Variants in SARM1 observed in about 807,000 individuals in gnomAD.
The protein encoded by SARM1 is sterile alpha and TIR motif containing 1.
In SARM1, 60 loss-of-function variants were observed where a neutral mutation model predicts 65.1. The observed-to-expected ratio is 0.92, with a 90% CI of 0.75 to 1.14. SARM1 has a LOEUF of 1.14. Ranked by LOEUF, SARM1 falls within the 50% of genes most tolerant of loss-of-function variation. SARM1 has a pLI of 0.00. For missense variants in SARM1, 913 were observed against 1,015.7 expected (o/e 0.90, Z 1.37); for synonymous variants, 417 against 465.4 (o/e 0.90, Z 1.34).
chr17:28,400,110 A>T lies in SARM1; in HGVS notation c.*3824A>T, dbSNP rs989140679. 2 of 239,202 alleles carry T rather than the reference A, an allele frequency of 8.4e-6. No homozygotes were observed. The highest frequency in any genetic ancestry group is 1.7e-5 in the Non-Finnish European group (2 of 121,068). 14.8% of individuals were successfully genotyped at this position (239,202 alleles called of 1,614,324 possible). ...AGGTCTTGCTATGTTGCCCAGGCTG[A>T]TCTTGAATTCCCGGGCTCAAGTGGT... On this transcript the variant is annotated 3_prime_UTR_variant, in exon 9 of 9. Transcript: ENST00000585482.
At chr17:28,376,898 T>A (rs1270121028) in intron 1 of SARM1, among the ~76,000 whole-genome samples, 1 of 152,128 alleles carries the variant, frequency 6.6e-6, no homozygotes, top group East Asian at 1.9e-4. Context: ...CAAGTGATTC[T>A]CATGCCTCAG....
rs2068047938 is a variant in SARM1 at position 28,385,796 on chromosome 17, G to A, written c.1630+521G>A. Among the ~76,000 whole-genome samples, 1 of 152,082 alleles carries A rather than the reference G, an allele frequency of 6.6e-6. No individual in the cohort carries two copies. The highest frequency in any genetic ancestry group is 1.5e-5 in the Non-Finnish European group (1 of 68,014). On this transcript the variant is annotated intron_variant, in intron 5 of 8. Transcript: ENST00000585482. The surrounding 1 kb of genome is among the most constrained non-coding windows in gnomAD (Gnocchi z 4.5). The stretch of plus-strand genomic sequence containing the variant: ...TAGAGGTGGTTTAGAGTGAATTCTA[G>A]GCCTCTAGCCACCCTCCTTATTTAC...
intron 1 of SARM1, chr17:28,373,117 C>G (rs2067967981): frequency 1.3e-5 from 2 of 152,566 alleles, no homozygotes; most frequent in African/African-American, 4.8e-5. Context: ...AAACAGTTTT[C>G]TGCTGGGAGG....
rs782463830 is a variant in SARM1, at chr17:28,385,265, G to A, written c.1620G>A (p.Thr540=). 3.9e-6 allele frequency: 6 copies of A among 1,551,112 alleles called. No individual in the cohort carries two copies. Among genetic ancestry groups the A allele is most frequent in the South Asian group, 3.5e-5 (3 of 85,262 alleles). ...HLGVHRARIL[T]AAREMLHSPL... Reference sequence around the variant, plus strand: ...GCGTGCACCGCGCCCGCATCCTCACGGCGGCCAGAGGTCAGCCCGCTCACC... The same window carrying A: ...GCGTGCACCGCGCCCGCATCCTCACAGCGGCCAGAGGTCAGCCCGCTCACC... The change falls in exon 5 of 9, where the codon ACG becomes ACA. Residue 540 remains threonine, a synonymous_variant. Transcript: ENST00000585482. The surrounding 1 kb of genome is among the most constrained non-coding windows in gnomAD (Gnocchi z 4.5).
chr17:28,388,248 C>T lies in SARM1; in HGVS notation c.1705C>T (p.Arg569Cys), dbSNP rs571724138. 9.3e-5 allele frequency: 144 copies of T among 1,552,706 alleles called. No individual in the cohort carries two copies. The highest frequency in any genetic ancestry group is 3.6e-4 in the South Asian group (30 of 84,304). The change falls in exon 6 of 9, where the codon CGC becomes TGC. Residue 569 changes from arginine to cysteine, a missense_variant. By Grantham distance (180) the Arg-to-Cys change is radical. Coordinates refer to ENST00000585482, the MANE Select transcript of SARM1 (RefSeq NM_015077.4). ...CACTCCAGATGTCTTCATCAGCTAC[C>T]GCCGGAACTCAGGTTCCCAGCTGGC... ...GDTPDVFISY[R>C]RNSGSQLASL... is the part of the protein sequence containing the mutation.
Position 28,385,515 on chromosome 17 carries a change from C to T in SARM1, c.1630+240C>T, listed in dbSNP as rs1477333739. ...AGGCTATTAAACAGGCAAGCGGCCC[C>T]GGCAGGAAGCTACCCAGGTCTCCAG... On this transcript the variant is annotated intron_variant, in intron 5 of 8. Coordinates refer to ENST00000585482, the MANE Select transcript of SARM1 (RefSeq NM_015077.4). The surrounding 1 kb of genome is among the most constrained non-coding windows in gnomAD (Gnocchi z 4.5). The T allele has an allele frequency of 3.7e-5, 20 of 538,944 alleles. No individual in the cohort carries two copies. Among genetic ancestry groups the T allele is most frequent in the African/African-American group, 2.9e-4 (15 of 50,916 alleles). 33.4% of individuals were successfully genotyped at this position (538,944 alleles called of 1,614,324 possible). A position where few individuals can be genotyped will look rare whatever the true frequency, so the allele number is the denominator to read the frequency against.
At position 28,381,490 on chromosome 17, in the gene SARM1, G is replaced by A; in HGVS notation, c.758G>A (p.Trp253Ter). ...ATGGTAGAGAAGCGCGCAGCCGAGT[G>A]GCTCTTCCCGCTCGCCTTCTCCAAG... The part of the protein sequence containing the change: ...RRMVEKRAAE[W>*]LFPLAFSKED... Residue 253 changes from tryptophan (W) to a stop codon, truncating the protein, a stop_gained, in exon 2 of 9, where the codon TGG (tryptophan) becomes TAG (stop). Coordinates refer to ENST00000585482, the MANE Select transcript of SARM1 (RefSeq NM_015077.4). LOFTEE classifies it high-confidence loss of function. 6.4e-7 allele frequency: 1 copy of A among 1,555,632 alleles called. No homozygotes were observed. The highest frequency in any genetic ancestry group is 8.7e-7 in the Non-Finnish European group (1 of 1,150,362).
chr17:28,381,254 A>G lies in SARM1; in HGVS notation c.522A>G (p.Glu174=), dbSNP rs1555585166. 2 of 1,611,074 alleles carry G rather than the reference A, an allele frequency of 1.2e-6. No individual in the cohort carries two copies. The highest frequency in any genetic ancestry group is 3.4e-5 in the Admixed American group (2 of 59,556). Residue 174 remains glutamate (E), a synonymous_variant, in exon 2 of 9, where the codon GAA becomes GAG. Transcript: ENST00000585482. ...GLGVILNLAK[E]REPVELARSV... is the part of the protein sequence containing the mutation. Reference sequence around the variant, plus strand: ...GCGTGATCCTGAACCTGGCGAAGGAACGCGAACCCGTAGAGCTGGCGCGGA... The same window carrying G: ...GCGTGATCCTGAACCTGGCGAAGGAGCGCGAACCCGTAGAGCTGGCGCGGA...
rs782338394 is a variant in SARM1 at position 28,381,625 on chromosome 17, CG to C, written c.894del (p.Val300TrpfsTer75). On this transcript the variant is annotated frameshift_variant, in exon 2 of 9. Coordinates refer to ENST00000585482, the MANE Select transcript of SARM1 (RefSeq NM_015077.4). LOFTEE classifies it high-confidence loss of function. The stretch of plus-strand genomic sequence containing the variant: ...TCGGGCACGCTGGCGCTCGTGGAGC[CG>C]CTTGTGGCCTCGCTGGACCCTGGCC... ...ERSGTLALVEPLVASLDPGRF... is the reference protein window; with the variant it reads ...ERSGTLALVEXLVASLDPGRF... 2.5e-6 allele frequency: 4 copies of C among 1,570,808 alleles called. No homozygotes were observed. Among genetic ancestry groups the C allele is most frequent in the South Asian group, 2.3e-5 (2 of 85,590 alleles).
Position 28,372,248 on chromosome 17 carries a change from G to A in SARM1, c.216G>A (p.Leu72=). The part of the protein sequence containing the change: ...QDALERALPE[L]QQALSALKQA... ...CCCTGGAGCGCGCGCTGCCGGAGCT[G>A]CAGCAGGCCTTGTCCGCGCTGAAGC... The change falls in exon 1 of 9, where the codon CTG becomes CTA. Residue 72 remains leucine (L), a synonymous_variant. Transcript: ENST00000585482. The surrounding 1 kb of genome is among the most constrained non-coding windows in gnomAD (Gnocchi z 5.2). The A allele has an allele frequency of 1.4e-6, 2 of 1,388,248 alleles. No homozygotes were observed. The highest frequency in any genetic ancestry group is 3.7e-5 in the Admixed American group (1 of 26,848). The allele number at this position is 1,388,248 out of a possible 1,614,324, so 86.0% of individuals were successfully genotyped here. A position where few individuals can be genotyped will look rare whatever the true frequency, so the allele number is the denominator to read the frequency against.
chr17:28,381,407 C>T lies in SARM1; in HGVS notation c.675C>T (p.His225=), dbSNP rs2068023163. The T allele has an allele frequency of 6.5e-7, 1 of 1,549,546 alleles. No homozygotes were observed. The stretch of plus-strand genomic sequence containing the variant: ...GCACGGACCCCGCGCTGCTGCGCCA[C>T]TGCGCGCTGGCGCTGGGCAACTGCG... The part of the protein sequence containing the change: ...CRRTDPALLR[H]CALALGNCAL... The change falls in exon 2 of 9, where the codon CAC becomes CAT. Residue 225 remains histidine, a synonymous_variant. Coordinates refer to ENST00000585482, the MANE Select transcript of SARM1 (RefSeq NM_015077.4).
At chr17:28,387,443 C>G (rs1455202896) in intron 5 of SARM1, among the ~76,000 whole-genome samples, 1 of 152,084 alleles carries the variant, frequency 6.6e-6, no homozygotes, top group African/African-American at 2.4e-5. Context: ...AGGCTGGTCT[C>G]GAACTCCTGG....
In SARM1 at chr17:28,402,345, A is replaced by C; in HGVS notation, c.*6059A>C. 3 of 1,603,958 alleles carry C rather than the reference A, an allele frequency of 1.9e-6. No homozygotes were observed. Among genetic ancestry groups the C allele is most frequent in the Non-Finnish European group, 2.6e-6 (3 of 1,173,112 alleles). Reference sequence around the variant, plus strand: ...TCCTGTGGAGAAACAAACACTCATCAGGAAAATGGGGCTGGGGAGAGGGGC... The same window carrying C: ...TCCTGTGGAGAAACAAACACTCATCCGGAAAATGGGGCTGGGGAGAGGGGC... On this transcript the variant is annotated 3_prime_UTR_variant, in exon 9 of 9. Transcript: ENST00000585482.
intron 1 of SARM1, chr17:28,373,350 A>C (rs2067969313): frequency 6.6e-6 from 1 of 152,080 alleles, no homozygotes; most frequent in Admixed American, 6.6e-5. Context: ...AAGCTGTCAC[A>C]CTCCAGTCTC....
intron 7 of SARM1, among the ~76,000 whole-genome samples, chr17:28,389,936 C>T (rs1385506417): frequency 1.3e-5 from 2 of 152,106 alleles, no homozygotes; most frequent in African/African-American, 4.8e-5. Flanking sequence ...ATCTTGCTTG[C>T]CACAGGGGTT....
chr17:28,378,572 C>T (rs1190754399), intron 1 of SARM1, among the ~76,000 whole-genome samples: 3 of 152,142 alleles, frequency 2.0e-5, no homozygotes, highest in Admixed American at 6.6e-5. Flanking sequence ...TCATATAGCA[C>T]ATTCTATTTC....
Position 28,402,137 on chromosome 17 carries a change from G to C in SARM1, c.*5851G>C, listed in dbSNP as rs41297101. Reference sequence around the variant, plus strand: ...GGCCACTTACTTCTCCAGGGTGAGAGGGGGGAAGGCAAGCTGTTCCCCCAG... The same window carrying C: ...GGCCACTTACTTCTCCAGGGTGAGACGGGGGAAGGCAAGCTGTTCCCCCAG... On this transcript the variant is annotated 3_prime_UTR_variant, in exon 9 of 9. Transcript: ENST00000585482. The C allele has an allele frequency of 4.9e-5, 48 of 979,734 alleles. No individual in the cohort carries two copies. The African/African-American group carries it at 6.6e-4, about 14-fold the overall frequency. The allele number at this position is 979,734 out of a possible 1,614,324, so 60.7% of individuals were successfully genotyped here. A position where few individuals can be genotyped will look rare whatever the true frequency, so the allele number is the denominator to read the frequency against.
Position 28,388,514 on chromosome 17 carries a change from A to G in SARM1, c.1898A>G (p.His633Arg). The change falls in exon 7 of 9, where the codon CAT (histidine) becomes CGT (arginine). Residue 633 changes from histidine to arginine, a missense_variant. Around this residue, in one of 3 missense-constraint regions of SARM1, gnomAD observed 862 missense variants for 952.1 expected, o/e 0.91. Coordinates refer to ENST00000585482, the MANE Select transcript of SARM1 (RefSeq NM_015077.4). ...GCACTGGACAAGTGCATGCAAGACC[A>G]TGACTGCAAGGATTGGGTGCATAAG... ...PGALDKCMQD[H>R]DCKDWVHKEI... The G allele has an allele frequency of 1.2e-6, 2 of 1,613,736 alleles. No individual in the cohort carries two copies. The highest frequency in any genetic ancestry group is 1.1e-5 in the South Asian group (1 of 91,082).
In SARM1 at chr17:28,384,521, G is replaced by T. The variant is rs1194545365; in HGVS notation, c.1254G>T (p.Gln418His). 9 of 1,613,074 alleles carry T rather than the reference G, an allele frequency of 5.6e-6. No individual in the cohort carries two copies. The highest frequency in any genetic ancestry group is 5.9e-6 in the Non-Finnish European group (7 of 1,179,614). Residue 418 changes from glutamine (Q) to histidine (H), a missense_variant, in exon 3 of 9, where the codon CAG (glutamine) becomes CAT (histidine). This residue lies in a region of SARM1 where 862 missense variants were observed against 952.1 expected (regional missense o/e 0.91). Transcript: ENST00000585482. This position sits in a 1 kb window ranked among gnomAD's most constrained non-coding sequence, Gnocchi z 4.4. ...CCAGCTGGAAGGAGGCCGAGGTTCA[G>T]ACGTGGCTGCAGCAGATCGGTTTCT... ...SVPSWKEAEV[Q>H]TWLQQIGFSK...
Sources: allele counts gnomAD v4.1 joint callset (sites outside exome capture counted in the v4.1 genomes callset), GRCh38; gene constraint gnomAD v4.1.1; regional missense constraint gnomAD v4.1.1; non-coding constraint Gnocchi (gnomAD v3.1); transcripts MANE v1.5; gene names NCBI Gene and HGNC (gene_info 2026-07-23, HGNC 2026-07-21).